Variants in ERCC8 observed in about 807,000 individuals in gnomAD.
ERCC8 encodes DNA excision repair protein ERCC-8.
A neutral mutation model predicts 54.9 loss-of-function variants in ERCC8; 52 were observed. The observed-to-expected ratio is 0.95, with a 90% CI of 0.76 to 1.19. The LOEUF is 1.19. Among genes scored for constraint, ERCC8 ranks in the 50% most tolerant of loss-of-function variants. ERCC8 has a pLI of 0.00. For missense variants in ERCC8, 514 were observed against 466.1 expected (o/e 1.10, Z -0.95); for synonymous variants, 146 against 157.2 (o/e 0.93, Z 0.53).
chr5:60,932,906 G>A (rs1374923681), intron 1 of ERCC8, among the ~76,000 whole-genome samples: 1 of 152,078 alleles, frequency 6.6e-6, no homozygotes, highest in African/African-American at 2.4e-5. Context: ...GAAGAGCCTG[G>A]GGTAGAAGGG....
At chr5:60,915,929 T>A (rs1437172635) in intron 4 of ERCC8, among the ~76,000 whole-genome samples, 1 of 151,958 alleles carries the variant, frequency 6.6e-6, no homozygotes, top group Non-Finnish European at 1.5e-5. Context: ...ACAGGCTCCA[T>A]CTACCTCCTA....
chr5:60,929,034 C>A, intron 1 of ERCC8, 75 bp from the exon 2 acceptor site: 1 of 860,308 alleles, frequency 1.2e-6, no homozygotes, highest in Non-Finnish European at 2.0e-6. Flanking sequence ...ACCAAGATTA[C>A]TTATGGTACA....
At chr5:60,938,050 T>TACATAC (rs1225049722) in intron 1 of ERCC8, among the ~76,000 whole-genome samples, 4 of 11,576 alleles carry the variant, frequency 3.5e-4, no homozygotes, top group East Asian at 7.9e-3. Context: ...CATACATACA[T>TACATAC]ATATATATAT....
intron 9 of ERCC8, chr5:60,891,890 G>T (rs1369533946): frequency 6.4e-6 from 3 of 465,948 alleles, no homozygotes; most frequent in Non-Finnish European, 1.3e-5. Context: ...CGTCCCACTG[G>T]AACTGGTGCT....
At chr5:60,931,740 G>A (rs1444339804) in intron 1 of ERCC8, among the ~76,000 whole-genome samples, 2 of 151,668 alleles carry the variant, frequency 1.3e-5, no homozygotes, top group East Asian at 3.9e-4. Flanking sequence ...TTTTCCATAT[G>A]ATCATTTTTC....
chr5:60,901,252 C>A (rs4647110), intron 7 of ERCC8, among the ~76,000 whole-genome samples: 10 of 151,918 alleles, frequency 6.6e-5, no homozygotes, highest in Non-Finnish European at 1.5e-4. Context: ...CTCCTACAAG[C>A]CTTTTTGTGA....
intron 9 of ERCC8, among the ~76,000 whole-genome samples, chr5:60,894,896 G>C (rs1223368857): frequency 6.6e-6 from 1 of 151,950 alleles, no homozygotes; most frequent in Non-Finnish European, 1.5e-5. Context: ...TTGTCGGCTG[G>C]GCGTGGTCTC....
rs778430020 is a variant in ERCC8, at chr5:60,928,972, A to AG, written c.78-14dup. ...CAGTCCCAAAACTCTTAAAAATAAA[A>AG]GGGGGAGAAAGAAATTAACAAGTAA... On this transcript the variant is annotated splice_polypyrimidine_tract_variant and intron_variant, in intron 1 of 11. Coordinates refer to ENST00000676185, the MANE Select transcript of ERCC8 (RefSeq NM_000082.4). The AG allele has an allele frequency of 2.1e-6, 3 of 1,416,806 alleles. No homozygotes were observed. The highest frequency in any genetic ancestry group is 2.8e-5 in the African/African-American group (2 of 71,052). 87.8% of individuals were successfully genotyped at this position (1,416,806 alleles called of 1,614,324 possible).
At chr5:60,906,190 T>A (rs986590089) in intron 4 of ERCC8, among the ~76,000 whole-genome samples, 2 of 152,132 alleles carry the variant, frequency 1.3e-5, no homozygotes, top group African/African-American at 4.8e-5. Context: ...GACCAGGTTA[T>A]GAGACTGGCT....
chr5:60,932,341 T>A (rs1749932922), intron 1 of ERCC8, among the ~76,000 whole-genome samples: 1 of 152,172 alleles, frequency 6.6e-6, no homozygotes, highest in African/African-American at 2.4e-5. Context: ...GTGCCCACCA[T>A]GACTGGATAA....
rs999897196 is a variant in ERCC8 at position 60,867,219 on chromosome 5, C to G, written c.*7396G>C. ...TTCCTTGGTAGTGACCTAAGACAGA[C>G]TCAGGACTTTTGATTTCCAGTCCAC... On this transcript the variant is annotated 3_prime_UTR_variant, in exon 12 of 12. Coordinates refer to ENST00000676185, the MANE Select transcript of ERCC8 (RefSeq NM_000082.4). 3.9e-5 allele frequency among the ~76,000 whole-genome samples: 6 copies of G among 152,094 alleles called. No individual in the cohort carries two copies. Among genetic ancestry groups the G allele is most frequent in the Admixed American group, 3.3e-4 (5 of 15,272 alleles).
At chr5:60,881,727 G>C (rs1426229427) in intron 11 of ERCC8, among the ~76,000 whole-genome samples, 1 of 152,152 alleles carries the variant, frequency 6.6e-6, no homozygotes, top group Non-Finnish European at 1.5e-5. Context: ...TATTAGGGTG[G>C]GAGTGACCCG....
chr5:60,889,474 T>A (rs1463555465), intron 10 of ERCC8, among the ~76,000 whole-genome samples: 1 of 152,072 alleles, frequency 6.6e-6, no homozygotes, highest in African/African-American at 2.4e-5. Context: ...CCTGGCTGAT[T>A]TTTTGATTTT....
At chr5:60,896,401 G>A (rs980801489) in intron 9 of ERCC8, among the ~76,000 whole-genome samples, 3 of 152,032 alleles carry the variant, frequency 2.0e-5, no homozygotes, top group African/African-American at 4.8e-5. Flanking sequence ...TAGTAGAGAC[G>A]GGGTTTCATC....
chr5:60,906,727 TC>T (rs1749083896), intron 4 of ERCC8, among the ~76,000 whole-genome samples: 1 of 120,406 alleles, frequency 8.3e-6, no homozygotes, highest in Non-Finnish European at 1.7e-5. Context: ...AAACTCTGTC[TC>T]AAAAATAAAT....
chr5:60,884,523 GT>G (rs71606648), intron 11 of ERCC8, among the ~76,000 whole-genome samples: 45,732 of 127,934 alleles, frequency 0.36, 8,089 homozygotes, highest in East Asian at 0.75. Flanking sequence ...GTGTGTATGT[GT>G]TTTTTTTTTT....
At chr5:60,895,148 C>G (rs1748687918) in intron 9 of ERCC8, among the ~76,000 whole-genome samples, 1 of 122,850 alleles carries the variant, frequency 8.1e-6, no homozygotes, top group Non-Finnish European at 1.6e-5. Flanking sequence ...CCAGCCTGGG[C>G]AACAAAGCGA....
chr5:60,914,093 G>C (rs1749354567), intron 4 of ERCC8, among the ~76,000 whole-genome samples: 1 of 152,106 alleles, frequency 6.6e-6, no homozygotes, highest in African/African-American at 2.4e-5. Flanking sequence ...GAGTTCTGTA[G>C]ATGTCTATTA....
At chr5:60,937,928 A>G (rs1285113059) in intron 1 of ERCC8, among the ~76,000 whole-genome samples, 1 of 151,122 alleles carries the variant, frequency 6.6e-6, no homozygotes, top group Non-Finnish European at 1.5e-5. Context: ...CCTCCTATAC[A>G]CCATTTCCTC....
Sources: gnomAD v4.1 joint callset for allele counts (sites outside exome capture counted in the v4.1 genomes callset) on GRCh38, gnomAD v4.1.1 for gene constraint, MANE v1.5 for transcripts, NCBI Gene and HGNC (gene_info 2026-07-23, HGNC 2026-07-21) for gene names.